The following ATP2B2 variants were observed in gnomAD, a reference collection of about 807,000 sequenced individuals.
ATP2B2 encodes ATPase plasma membrane Ca2+ transporting 2, also known as plasma membrane calcium-transporting ATPase 2.
Under a neutral mutation model 120.0 loss-of-function variants are expected in ATP2B2, and 15 were observed. The ratio of observed to expected loss-of-function variants is 0.12; its 90% CI spans 0.08 to 0.19. The LOEUF (loss-of-function observed/expected upper bound fraction) is 0.19. ATP2B2 is among the 10% of genes least tolerant of loss of function. The probability of loss-of-function intolerance (pLI) is 1.00; values close to 1 mark genes in which losing one functional copy is unlikely to be tolerated. For missense variants in ATP2B2, 1,045 were observed against 1,719.8 expected (o/e 0.61, Z 6.94); for synonymous variants, 694 against 700.3 (o/e 0.99, Z 0.14).
intron 2 of ATP2B2, among the ~76,000 whole-genome samples, chr3:10,541,973 T>C (rs929565329): frequency 6.6e-6 from 1 of 152,208 alleles, no homozygotes; most frequent in Non-Finnish European, 1.5e-5. Flanking sequence ...TCTTCCTGAT[T>C]GACCCTTTTA....
At chr3:10,345,947 G>A (rs2060419085) in intron 17 of ATP2B2, 84 bp downstream of exon 17, 1 of 1,368,334 alleles carries the variant, frequency 7.3e-7, no homozygotes, top group Admixed American at 2.0e-5. Context: ...GTGTGAACTG[G>A]GGCTCCTGAG....
At chr3:10,360,654 T>C (rs986761168) in intron 12 of ATP2B2, among the ~76,000 whole-genome samples, 1 of 152,228 alleles carries the variant, frequency 6.6e-6, no homozygotes, top group South Asian at 2.1e-4. Context: ...AGATGCCGTA[T>C]ACCCTTCATC....
intron 2 of ATP2B2, among the ~76,000 whole-genome samples, chr3:10,618,870 T>A (rs1252647262): frequency 6.6e-6 from 1 of 152,140 alleles, no homozygotes; most frequent in Admixed American, 6.5e-5. Flanking sequence ...AACCTATAGA[T>A]GATATTTTGA....
chr3:10,658,428 T>G (rs2070695342), intron 1 of ATP2B2, among the ~76,000 whole-genome samples: 2 of 152,154 alleles, frequency 1.3e-5, no homozygotes, highest in Non-Finnish European at 2.9e-5. Flanking sequence ...AACCATGGCA[T>G]GAGAACTATG....
chr3:10,648,041 T>C (rs901503518), intron 1 of ATP2B2, among the ~76,000 whole-genome samples: 4 of 152,112 alleles, frequency 2.6e-5, no homozygotes, highest in Non-Finnish European at 5.9e-5. Flanking sequence ...GGGAGTGCAA[T>C]TGGCTGTGGA....
Position 10,496,398 on chromosome 3 carries a change from A to G in ATP2B2, c.-320+9067T>C, listed in dbSNP as rs1446238004. Among the ~76,000 whole-genome samples the G allele has an allele frequency of 3.3e-5, 5 of 152,308 alleles. No homozygotes were observed. The East Asian group carries it at 9.7e-4, about 30-fold the overall frequency. ...TCCTGCCCGGGCAATTGCACACAGC[A>G]TCCCACTCAGAAGGCAGCCGTGGCC... On this transcript the variant is annotated intron_variant, in intron 1 of 22. Transcript: ENST00000360273.
intron 1 of ATP2B2, among the ~76,000 whole-genome samples, chr3:10,464,301 C>A (rs1345511672): frequency 6.6e-6 from 1 of 152,180 alleles, no homozygotes; most frequent in African/African-American, 2.4e-5. Flanking sequence ...CACCAGCCAT[C>A]TGCGCGGGGA....
chr3:10,371,934 C>T lies in ATP2B2; in HGVS notation c.1534G>A (p.Val512Ile), dbSNP rs1283038342. 12 of 1,614,078 alleles carry T rather than the reference C, an allele frequency of 7.4e-6. No homozygotes were observed. The African/African-American group carries it at 9.3e-5, about 13-fold the overall frequency. ...GTLTTNRMTV[V>I]QAYVGDVHYK... ...TGGACGTCGCCGACATAGGCCTGTA[C>T]CACTGTCATGCGATTGGTGGTCAGC... The change falls in exon 12 of 23, where the codon GTA (valine) becomes ATA (isoleucine). Residue 512 changes from valine (V) to isoleucine (I), a missense_variant. By Grantham distance (29) the Val-to-Ile change is conservative. Around this residue, in one of 11 missense-constraint regions of ATP2B2, gnomAD observed 343 missense variants for 536.8 expected, o/e 0.64. Transcript: ENST00000360273.
At chr3:10,335,277 C>T (rs2125343015) in intron 22 of ATP2B2, among the ~76,000 whole-genome samples, 1 of 152,322 alleles carries the variant, frequency 6.6e-6, no homozygotes, top group East Asian at 1.9e-4. Context: ...AGGGGTCAAG[C>T]TGAATGGGCC....
At chr3:10,590,120 T>C (rs143222873) in intron 2 of ATP2B2, among the ~76,000 whole-genome samples, 30 of 152,354 alleles carry the variant, frequency 2.0e-4, no homozygotes, top group African/African-American at 6.3e-4. Context: ...CTATGATACA[T>C]GCAATTGGAT....
At chr3:10,398,132 T>C (rs913887451) in intron 5 of ATP2B2, among the ~76,000 whole-genome samples, 4 of 152,170 alleles carry the variant, frequency 2.6e-5, no homozygotes, top group African/African-American at 9.7e-5. Context: ...TCCCTTGTGC[T>C]TGTGGGCTCT....
In ATP2B2 at chr3:10,449,583, G is replaced by C. The variant is rs770432942; in HGVS notation, c.-40C>G. 3 of 1,612,648 alleles carry C rather than the reference G, an allele frequency of 1.9e-6. No homozygotes were observed. The Admixed American group carries it at 5.0e-5, about 27-fold the overall frequency. ...TTGCTCGGGCTGGGCCCAAGGGTCA[G>C]CGCTGGACAAGAGGCTGCCGGGTGA... On this transcript the variant is annotated 5_prime_UTR_variant, in exon 2 of 23. Coordinates refer to ENST00000360273, the MANE Select transcript of ATP2B2 (RefSeq NM_001001331.4).
chr3:10,506,955 A>G (rs893536291), upstream of ATP2B2, among the ~76,000 whole-genome samples: 8 of 152,218 alleles, frequency 5.3e-5, no homozygotes, highest in Middle Eastern at 9.5e-3. Context: ...CAGAGGGGCC[A>G]CGGGAGGGAG....
At chr3:10,523,843 G>GA (rs34082054) in intron 3 of ATP2B2, among the ~76,000 whole-genome samples, 22,547 of 139,334 alleles carry the variant, frequency 0.16, 1,948 homozygotes, top group Admixed American at 0.26. Context: ...CTAAAATGCA[G>GA]AAAAAAAAAA....
At chr3:10,604,844 C>G (rs2069018637) in intron 2 of ATP2B2, among the ~76,000 whole-genome samples, 1 of 152,172 alleles carries the variant, frequency 6.6e-6, no homozygotes, top group Non-Finnish European at 1.5e-5. Flanking sequence ...CTACTTTTTT[C>G]ACAGCTCGTG....
chr3:10,360,549 TTC>T (rs1212257958), intron 12 of ATP2B2, among the ~76,000 whole-genome samples: 4 of 152,234 alleles, frequency 2.6e-5, no homozygotes, highest in Admixed American at 1.3e-4. Context: ...CAGAAACAAC[TTC>T]TGTCTTAAAT....
chr3:10,404,517 C>T (rs187203398), intron 3 of ATP2B2, among the ~76,000 whole-genome samples: 13 of 152,290 alleles, frequency 8.5e-5, no homozygotes, highest in Non-Finnish European at 1.5e-4. Context: ...AGAGAGCCTT[C>T]GGGTAAAACA....
Position 10,635,221 on chromosome 3 carries a change from G to A in ATP2B2, c.-459-15260C>T, listed in dbSNP as rs182085637. On this transcript the variant is annotated intron_variant, in intron 1 of 21. Coordinates refer to the ATP2B2 transcript ENST00000646379. This position sits in a 1 kb window ranked among gnomAD's most constrained non-coding sequence, Gnocchi z 4.3. Reference sequence around the variant, plus strand: ...AGTTGGAAATCCAGGTACTTCCATGGCATCTCTCAATTTGGGGATGTTGGC... The same window carrying A: ...AGTTGGAAATCCAGGTACTTCCATGACATCTCTCAATTTGGGGATGTTGGC... Among the ~76,000 whole-genome samples the A allele has an allele frequency of 3.9e-5, 6 of 152,218 alleles. No homozygotes were observed. In the East Asian group the frequency reaches 1.2e-3, roughly 29 times the overall value.
At chr3:10,448,395 C>A (rs747239200) in intron 2 of ATP2B2, among the ~76,000 whole-genome samples, 66 of 152,312 alleles carry the variant, frequency 4.3e-4, no homozygotes, top group Middle Eastern at 6.8e-3. Flanking sequence ...CAGAGCCTCA[C>A]ACACATGCCT....
Sources: gnomAD v4.1 joint callset for allele counts (sites outside exome capture counted in the v4.1 genomes callset) on GRCh38, gnomAD v4.1.1 for gene constraint, gnomAD v4.1.1 regional missense constraint, Gnocchi (gnomAD v3.1) non-coding constraint, MANE v1.5 for transcripts, NCBI Gene and HGNC (gene_info 2026-07-23, HGNC 2026-07-21) for gene names.